ARGLU1: variants seen among roughly 807,000 people sequenced by gnomAD.
The protein encoded by ARGLU1 is arginine and glutamate-rich protein 1.
Under a neutral mutation model 37.6 loss-of-function variants are expected in ARGLU1, and 9 were observed. The observed-to-expected ratio is 0.24, with a 90% confidence interval of 0.14 to 0.42. ARGLU1 has a LOEUF of 0.42. Among genes scored for constraint, ARGLU1 ranks in the 10% least tolerant of loss-of-function variants. The pLI is 1.00. For synonymous variants in ARGLU1, 166 were observed against 138.5 expected (o/e 1.20, Z -1.39); for missense variants, 211 against 359.2 (o/e 0.59, Z 3.34).
rs986349023 is a variant in ARGLU1 at position 106,567,342 on chromosome 13, G to A, written c.347+231C>T. On this transcript the variant is annotated intron_variant, in intron 1 of 3. Transcript: ENST00000400198. The surrounding 1 kb of genome is among the most constrained non-coding windows in gnomAD (Gnocchi z 4.3). Reference sequence around the variant, plus strand: ...CTTCTCTTAAACCCTTTCTGCTCAAGCCCTCGAATTTTCCATCCCGAACAA... The same window carrying A: ...CTTCTCTTAAACCCTTTCTGCTCAAACCCTCGAATTTTCCATCCCGAACAA... 6.6e-6 allele frequency among the ~76,000 whole-genome samples: 1 copy of A among 151,688 alleles called. No individual in the cohort carries two copies. The highest frequency in any genetic ancestry group is 1.5e-5 in the Non-Finnish European group (1 of 67,986).
At chr13:106,549,218 C>G (rs1880472551) in intron 3 of ARGLU1, among the ~76,000 whole-genome samples, 1 of 152,100 alleles carries the variant, frequency 6.6e-6, no homozygotes, top group Non-Finnish European at 1.5e-5. Flanking sequence ...ATATATGTAA[C>G]TTTATAAAAT....
chr13:106,554,641 C>A (rs529381466), intron 3 of ARGLU1, among the ~76,000 whole-genome samples: 15 of 152,282 alleles, frequency 9.9e-5, no homozygotes, highest in African/African-American at 3.6e-4. Flanking sequence ...AATCCCAGCA[C>A]TTTGGGAGGA....
chr13:106,557,154 A>G lies in ARGLU1; in HGVS notation c.574-23T>C, dbSNP rs1404178603. Reference sequence around the variant, plus strand: ...CTCCTAAAGGGGAGGATATGTTAAGATATTAGAAAAACAAAATGTTTATTT... The same window carrying G: ...CTCCTAAAGGGGAGGATATGTTAAGGTATTAGAAAAACAAAATGTTTATTT... On this transcript the variant is annotated intron_variant, in intron 2 of 3. Coordinates refer to ENST00000400198, the MANE Select transcript of ARGLU1 (RefSeq NM_018011.4). This position sits in a 1 kb window ranked among gnomAD's most constrained non-coding sequence, Gnocchi z 5.0. 1.9e-6 allele frequency: 3 copies of G among 1,571,312 alleles called. No individual in the cohort carries two copies. Among genetic ancestry groups the G allele is most frequent in the Non-Finnish European group, 2.6e-6 (3 of 1,145,518 alleles).
At chr13:106,559,075 A>G in intron 2 of ARGLU1, 1 of 1,220,622 alleles carries the variant, frequency 8.2e-7, no homozygotes, top group Non-Finnish European at 1.0e-6. Context: ...AGAATATACA[A>G]CCACAGGTGG....
At chr13:106,560,131 T>C (rs1324221597) in intron 1 of ARGLU1, among the ~76,000 whole-genome samples, 1 of 152,188 alleles carries the variant, frequency 6.6e-6, no homozygotes, top group Non-Finnish European at 1.5e-5. Flanking sequence ...AAATACAGAT[T>C]GAAGAGATTC....
chr13:106,563,441 C>T (rs1880871183), intron 1 of ARGLU1, among the ~76,000 whole-genome samples: 1 of 152,118 alleles, frequency 6.6e-6, no homozygotes, highest in Non-Finnish European at 1.5e-5. Context: ...TACCACCCTA[C>T]ACCGGTTTCT....
At chr13:106,555,454 C>T (rs1566473126) in intron 3 of ARGLU1, among the ~76,000 whole-genome samples, 1 of 152,140 alleles carries the variant, frequency 6.6e-6, no homozygotes, top group African/African-American at 2.4e-5. Flanking sequence ...GCCCACAGAC[C>T]ACTTATAATC....
chr13:106,543,982 T>C lies in ARGLU1; in HGVS notation c.*14A>G. 1 of 1,576,792 alleles carries C rather than the reference T, an allele frequency of 6.3e-7. No homozygotes were observed. Among genetic ancestry groups the C allele is most frequent in the Non-Finnish European group, 8.6e-7 (1 of 1,168,528 alleles). On this transcript the variant is annotated 3_prime_UTR_variant, in exon 4 of 4. Coordinates refer to ENST00000400198, the MANE Select transcript of ARGLU1 (RefSeq NM_018011.4). ...TTTTCCATTTTTCTTTGTAAAAAGT[T>C]CAGAGTTTGCAATTTAATCCTGGGT...
chr13:106,548,692 T>C (rs542081100), intron 3 of ARGLU1, among the ~76,000 whole-genome samples: 1 of 152,200 alleles, frequency 6.6e-6, no homozygotes, highest in Non-Finnish European at 1.5e-5. Flanking sequence ...CACAAAAAAA[T>C]GTTCCATTAT....
intron 3 of ARGLU1, among the ~76,000 whole-genome samples, chr13:106,549,024 TA>T (rs1454756375): frequency 1.3e-5 from 2 of 152,226 alleles, no homozygotes; most frequent in African/African-American, 4.8e-5. Flanking sequence ...GTGCTGGGAT[TA>T]CAGGCGTGAG....
At chr13:106,559,326 TTAGA>T (rs775682529) in intron 2 of ARGLU1, 102 bp downstream of exon 2, 29 of 1,555,782 alleles carry the variant, frequency 1.9e-5, no homozygotes, top group African/African-American at 4.1e-5. Context: ...GAGAAAGGAA[TTAGA>T]TAGTCTGTAT....
At chr13:106,558,078 T>C in intron 2 of ARGLU1, 2 of 985,316 alleles carry the variant, frequency 2.0e-6, no homozygotes, top group South Asian at 9.4e-5. Context: ...CATATTCAAA[T>C]GATTTTAATA....
Position 106,559,412 on chromosome 13 carries a change from T to C in ARGLU1, c.573+20A>G. ...GTTTTGCCATGGACTGTCTCTACTT[T>C]CCAAACGACCGAGCGTTACCTCTCT... On this transcript the variant is annotated intron_variant, in intron 2 of 3. Transcript: ENST00000400198. 1 of 1,613,522 alleles carries C rather than the reference T, an allele frequency of 6.2e-7. No individual in the cohort carries two copies. Among genetic ancestry groups the C allele is most frequent in the East Asian group, 2.2e-5 (1 of 44,884 alleles).
At chr13:106,560,565 G>A (rs916245024) in intron 1 of ARGLU1, among the ~76,000 whole-genome samples, 24 of 152,146 alleles carry the variant, frequency 1.6e-4, no homozygotes, top group African/African-American at 5.1e-4. Context: ...ATTTGATTGC[G>A]TGTTAAAATG....
In ARGLU1 at chr13:106,567,946, G is replaced by A. The variant is rs747205659; in HGVS notation, c.-27C>T. 6 of 1,573,028 alleles carry A rather than the reference G, an allele frequency of 3.8e-6. No individual in the cohort carries two copies. The African/African-American group carries it at 5.5e-5, about 15-fold the overall frequency. On this transcript the variant is annotated 5_prime_UTR_variant, in exon 1 of 4. Coordinates refer to ENST00000400198, the MANE Select transcript of ARGLU1 (RefSeq NM_018011.4). The surrounding 1 kb of genome is among the most constrained non-coding windows in gnomAD (Gnocchi z 4.3). ...CTTCCGGGAGACGCTCTAACCGCTC[G>A]CCTCAGGCCCCTCACGCGGCCAGTT...
chr13:106,547,566 A>G (rs551233791), intron 3 of ARGLU1, among the ~76,000 whole-genome samples: 1 of 152,334 alleles, frequency 6.6e-6, no homozygotes, highest in South Asian at 2.1e-4. Flanking sequence ...GGAGGCCCCT[A>G]TGTTCCGCAA....
At chr13:106,549,490 C>G (rs914373618) in intron 3 of ARGLU1, among the ~76,000 whole-genome samples, 1 of 152,166 alleles carries the variant, frequency 6.6e-6, no homozygotes, top group African/African-American at 2.4e-5. Flanking sequence ...AGTTCTGACA[C>G]TTAGTAAACT....
At chr13:106,548,179 A>C (rs990268464) in intron 3 of ARGLU1, among the ~76,000 whole-genome samples, 16 of 151,344 alleles carry the variant, frequency 1.1e-4, no homozygotes, top group Admixed American at 2.6e-4. Flanking sequence ...ACACTTTGAC[A>C]AAAAAAAAGA....
intron 3 of ARGLU1, among the ~76,000 whole-genome samples, chr13:106,547,253 A>C (rs1880416681): frequency 6.6e-6 from 1 of 152,230 alleles, no homozygotes; most frequent in African/African-American, 2.4e-5. Flanking sequence ...AAAATGGACT[A>C]ACACACATAT....
Sources: gnomAD v4.1 joint callset for allele counts (sites outside exome capture counted in the v4.1 genomes callset) on GRCh38, gnomAD v4.1.1 for gene constraint, Gnocchi (gnomAD v3.1) non-coding constraint, MANE v1.5 for transcripts, NCBI Gene and HGNC (gene_info 2026-07-23, HGNC 2026-07-21) for gene names.